Variants in HIVEP3 observed in about 807,000 individuals in gnomAD.
The protein encoded by HIVEP3 is HIVEP zinc finger 3.
HIVEP3 carries 49 observed loss-of-function variants against 152.8 expected under a neutral mutation model. The observed-to-expected ratio is 0.32, with a 90% CI of 0.26 to 0.41. The LOEUF (loss-of-function observed/expected upper bound fraction) is 0.41. Among genes scored for constraint, HIVEP3 ranks in the 10% least tolerant of loss-of-function variants. The pLI is 1.00. For synonymous variants in HIVEP3, 1,269 were observed against 1,289.0 expected (o/e 0.98, Z 0.33); for missense variants, 2,790 against 3,103.3 (o/e 0.90, Z 2.40).
intron 1 of HIVEP3, among the ~76,000 whole-genome samples, chr1:41,899,965 G>C (rs1054212782): frequency 2.0e-5 from 3 of 152,146 alleles, no homozygotes; most frequent in Non-Finnish European, 4.4e-5. Context: ...AGCAGAATCT[G>C]GAGCATCTCA....
At chr1:41,630,589 G>A (rs1383003109) in intron 2 of HIVEP3, among the ~76,000 whole-genome samples, 2 of 152,094 alleles carry the variant, frequency 1.3e-5, no homozygotes, top group Admixed American at 1.3e-4. Context: ...CAGCAACCCC[G>A]GCTGATGACC....
intron 2 of HIVEP3, among the ~76,000 whole-genome samples, chr1:41,695,779 C>T (rs1373796084): frequency 3.3e-5 from 5 of 152,168 alleles, no homozygotes; most frequent in East Asian, 1.9e-4. Flanking sequence ...TAGGTATATT[C>T]GTTTTCAATA....
chr1:41,781,039 T>C (rs749841351), intron 1 of HIVEP3, among the ~76,000 whole-genome samples: 1 of 152,226 alleles, frequency 6.6e-6, no homozygotes, highest in Non-Finnish European at 1.5e-5. Context: ...CCAGTGGTAA[T>C]TGGCAATAAA....
intron 1 of HIVEP3, among the ~76,000 whole-genome samples, chr1:41,901,012 AGCAAT>A (rs1162496712): frequency 6.6e-6 from 1 of 152,114 alleles, no homozygotes; most frequent in Non-Finnish European, 1.5e-5. Flanking sequence ...GCAGCAGTCA[AGCAAT>A]GGTGGCCTGG....
intron 3 of HIVEP3, among the ~76,000 whole-genome samples, chr1:41,602,746 A>G (rs1025570949): frequency 2.0e-5 from 3 of 151,896 alleles, no homozygotes; most frequent in Non-Finnish European, 4.4e-5. Context: ...TAATCCTTAT[A>G]TCTTTCCTTC....
At chr1:41,942,881 C>T (rs962391130) in intron 1 of HIVEP3, among the ~76,000 whole-genome samples, 1 of 151,806 alleles carries the variant, frequency 6.6e-6, no homozygotes, top group Non-Finnish European at 1.5e-5. Context: ...AAGATATATA[C>T]ATATTTGTTT....
At chr1:41,849,584 C>T (rs1195764638) in intron 1 of HIVEP3, among the ~76,000 whole-genome samples, 2 of 152,182 alleles carry the variant, frequency 1.3e-5, no homozygotes, top group African/African-American at 2.4e-5. Context: ...GGACTGTTCA[C>T]CAAGCCAAGC....
intron 1 of HIVEP3, among the ~76,000 whole-genome samples, chr1:41,892,600 A>T (rs1457919730): frequency 6.6e-6 from 1 of 152,198 alleles, no homozygotes; most frequent in Non-Finnish European, 1.5e-5. Flanking sequence ...TAAATGTTGA[A>T]CGTTGGCTCT....
intron 6 of HIVEP3, among the ~76,000 whole-genome samples, chr1:41,524,119 C>T (rs1056227276): frequency 2.0e-5 from 3 of 152,138 alleles, no homozygotes; most frequent in African/African-American, 7.2e-5. Context: ...CTGCCAGAGC[C>T]TATCCTGACC....
chr1:41,964,079 T>G (rs761101969), intron 1 of HIVEP3, among the ~76,000 whole-genome samples: 1 of 152,128 alleles, frequency 6.6e-6, no homozygotes, highest in African/African-American at 2.4e-5. Context: ...TCTGCAAATG[T>G]AGTTAAGATG....
intron 7 of HIVEP3, among the ~76,000 whole-genome samples, chr1:41,515,001 G>A (rs1187302833): frequency 6.6e-6 from 1 of 152,188 alleles, no homozygotes; most frequent in Non-Finnish European, 1.5e-5. Flanking sequence ...ACAGCAATCC[G>A]GATGCTGGGG....
intron 1 of HIVEP3, among the ~76,000 whole-genome samples, chr1:41,893,809 T>C (rs1644485841): frequency 6.8e-6 from 1 of 147,532 alleles, no homozygotes; most frequent in African/African-American, 2.5e-5. Flanking sequence ...TGCATATTTA[T>C]ATATAATACA....
At chr1:41,545,177 T>TACC (rs1190001438) in intron 5 of HIVEP3, among the ~76,000 whole-genome samples, 1 of 26,790 alleles carries the variant, frequency 3.7e-5, no homozygotes, top group Non-Finnish European at 7.9e-5. Flanking sequence ...TCGCTACCAT[T>TACC]ACCACCATCA....
At chr1:41,528,968 A>C (rs1569764313) in intron 5 of HIVEP3, among the ~76,000 whole-genome samples, 10 of 54,282 alleles carry the variant, frequency 1.8e-4, no homozygotes, top group African/African-American at 1.9e-4. Flanking sequence ...CCACACCCCC[A>C]CCCTCACACT....
At chr1:41,872,762 T>C (rs2124415739) in intron 1 of HIVEP3, among the ~76,000 whole-genome samples, 1 of 152,366 alleles carries the variant, frequency 6.6e-6, no homozygotes, top group South Asian at 2.1e-4. Flanking sequence ...ATAATATCTA[T>C]TTGGGTGGAC....
chr1:41,651,426 A>G (rs1432178346), intron 2 of HIVEP3, among the ~76,000 whole-genome samples: 2 of 152,134 alleles, frequency 1.3e-5, no homozygotes, highest in East Asian at 3.9e-4. Context: ...AAAAAAAAAA[A>G]AAAAAAATCC....
upstream of HIVEP3, among the ~76,000 whole-genome samples, chr1:41,921,518 T>C (rs1644941792): frequency 6.6e-6 from 1 of 152,230 alleles, no homozygotes; most frequent in Non-Finnish European, 1.5e-5. Flanking sequence ...GCCATGATTG[T>C]GTGGCTTCTC....
intron 3 of HIVEP3, among the ~76,000 whole-genome samples, chr1:41,595,600 A>C (rs1218175722): frequency 6.6e-6 from 1 of 152,208 alleles, no homozygotes; most frequent in African/African-American, 2.4e-5. Flanking sequence ...GTGATGATTA[A>C]TATCGAATGT....
At chr1:41,908,022 G>C (rs1644741559) in intron 1 of HIVEP3, among the ~76,000 whole-genome samples, 1 of 152,144 alleles carries the variant, frequency 6.6e-6, no homozygotes, top group African/African-American at 2.4e-5. Flanking sequence ...GGAGAGATAG[G>C]AGGGTACAAC....
Sources: allele counts gnomAD v4.1 joint callset (sites outside exome capture counted in the v4.1 genomes callset), GRCh38; gene constraint gnomAD v4.1.1; transcripts MANE v1.5; gene names NCBI Gene and HGNC (gene_info 2026-07-23, HGNC 2026-07-21).